KATNA1: variants seen among roughly 807,000 people sequenced by gnomAD.
KATNA1 encodes katanin catalytic subunit A1, also known as katanin p60 ATPase-containing subunit A1.
In KATNA1, 42 loss-of-function variants were observed where a neutral mutation model predicts 62.6. That is an observed-to-expected ratio of 0.67 (90% CI 0.52 to 0.87). KATNA1 has a LOEUF of 0.87. KATNA1 is among the 40% of genes least tolerant of loss of function. The pLI is 0.00. For synonymous variants in KATNA1, 186 were observed against 201.9 expected, an observed-to-expected ratio of 0.92 and a Z score of 0.67; for missense variants, 498 against 612.5, an observed-to-expected ratio of 0.81 and a Z score of 1.97.
At chr6:149,617,967 T>TAAATAAATA (rs1452634435) in intron 4 of KATNA1, among the ~76,000 whole-genome samples, 1 of 110,850 alleles carries the variant, frequency 9.0e-6, no homozygotes, top group Admixed American at 1.0e-4. Context: ...AATAAATAAA[T>TAAATAAATA]AATAAAATAA....
chr6:149,615,243 G>A (rs552508536), intron 4 of KATNA1, among the ~76,000 whole-genome samples: 2 of 144,236 alleles, frequency 1.4e-5, no homozygotes, highest in Non-Finnish European at 3.0e-5. Flanking sequence ...TTGCTCTGTC[G>A]TCCAGGCTGG....
intron 6 of KATNA1, 189 bp from the exon 7 acceptor site, chr6:149,601,941 A>G (rs976549994): frequency 3.8e-5 from 17 of 443,858 alleles, no homozygotes; most frequent in South Asian, 7.6e-5. Flanking sequence ...AGATAACCAC[A>G]TTATGAAAAA....
chr6:149,632,901 T>G lies in KATNA1; in HGVS notation c.178A>C (p.Asn60His). ...QKWQQVWQEINVEAKHVKDIM... is the reference protein window; with the variant it reads ...QKWQQVWQEIHVEAKHVKDIM... ...TCTTTAACATGTTTAGCTTCCACAT[T>G]TATTTCCTGCCAAACCTGATTTCAA... The change falls in exon 3 of 11, where the codon AAT becomes CAT. Residue 60 changes from asparagine (N) to histidine (H), a missense_variant. Physicochemically the swap from Asn to His is moderately conservative, Grantham distance 68. This residue lies in a region of KATNA1 where 203 missense variants were observed against 198.4 expected (regional missense o/e 1.02). Transcript: ENST00000367411. 6.2e-7 allele frequency: 1 copy of G among 1,605,984 alleles called. No individual in the cohort carries two copies. Among genetic ancestry groups the G allele is most frequent in the Non-Finnish European group, 8.5e-7 (1 of 1,178,228 alleles).
At chr6:149,640,549 T>C (rs929644885) in intron 1 of KATNA1, among the ~76,000 whole-genome samples, 1 of 151,094 alleles carries the variant, frequency 6.6e-6, no homozygotes, top group Non-Finnish European at 1.5e-5. Flanking sequence ...TTTTTTTGGG[T>C]TTTGTTTTTG....
intron 1 of KATNA1, among the ~76,000 whole-genome samples, chr6:149,642,651 G>C (rs956715399): frequency 6.6e-6 from 1 of 151,968 alleles, no homozygotes; most frequent in South Asian, 2.1e-4. Flanking sequence ...AAAATACAGG[G>C]TTGGCTAAAA....
At chr6:149,602,228 G>A (rs1190979076) in intron 6 of KATNA1, among the ~76,000 whole-genome samples, 4 of 152,122 alleles carry the variant, frequency 2.6e-5, no homozygotes, top group Admixed American at 2.0e-4. Flanking sequence ...TTAGCTGGGC[G>A]TGGTGGTACA....
rs368136770 is a variant in KATNA1, at chr6:149,601,691, G to A, written c.791C>T (p.Thr264Ile). 3.7e-4 allele frequency: 591 copies of A among 1,612,554 alleles called. 1 individual carries two copies. The highest frequency in any genetic ancestry group is 4.6e-4 in the Non-Finnish European group (541 of 1,179,560). Residue 264 changes from threonine (T) to isoleucine (I), a missense_variant, in exon 7 of 11, where the codon ACA becomes ATA. By Grantham distance (89) the Thr-to-Ile change is moderately conservative. Around this residue, in one of 3 missense-constraint regions of KATNA1, gnomAD observed 267 missense variants for 372.6 expected, o/e 0.72. Coordinates refer to ENST00000367411, the MANE Select transcript of KATNA1 (RefSeq NM_007044.4). ...GKTLLAKAVA[T>I]ECKTTFFNVS... ...ATTGAAGAATGTTGTCTTGCATTCT[G>A]TAGCTACTGCTTTAGCAAGGAGCGT...
intron 4 of KATNA1, among the ~76,000 whole-genome samples, chr6:149,606,503 A>G (rs1778745665): frequency 2.0e-5 from 3 of 152,156 alleles, no homozygotes; most frequent in Admixed American, 1.3e-4. Flanking sequence ...GACTTAACCA[A>G]TATTTATGAT....
At chr6:149,637,306 G>T (rs1780098543) in intron 2 of KATNA1, among the ~76,000 whole-genome samples, 1 of 152,080 alleles carries the variant, frequency 6.6e-6, no homozygotes, top group Admixed American at 6.5e-5. Context: ...CACCCACTCA[G>T]GAGGCTGAGG....
At position 149,629,479 on chromosome 6, in the gene KATNA1, G is replaced by A. The variant is rs1324558726; in HGVS notation, c.320+3280C>T. Among the ~76,000 whole-genome samples, 6 of 152,106 alleles carry A rather than the reference G, an allele frequency of 3.9e-5. No individual in the cohort carries two copies. The South Asian group carries it at 1.2e-3, about 31-fold the overall frequency. ...GAAGTGTGAGAAACAAATGTATGTT[G>A]TTTAAGCCACCCAGTGTATGGTATT... On this transcript the variant is annotated intron_variant, in intron 3 of 10. Transcript: ENST00000367411.
chr6:149,600,038 A>G (rs1778478407), intron 7 of KATNA1, among the ~76,000 whole-genome samples: 1 of 152,006 alleles, frequency 6.6e-6, no homozygotes, highest in African/African-American at 2.4e-5. Flanking sequence ...CATTACCCTA[A>G]GGACAATAAA....
At chr6:149,635,746 G>A (rs1780041375) in intron 2 of KATNA1, among the ~76,000 whole-genome samples, 1 of 150,240 alleles carries the variant, frequency 6.7e-6, no homozygotes, top group African/African-American at 2.5e-5. Flanking sequence ...AAAGTGTTAT[G>A]TATATTTTAC....
In KATNA1 at chr6:149,638,475, CAG is replaced by C; in HGVS notation, c.71_72del (p.Ser24CysfsTer10). The C allele has an allele frequency of 6.2e-7, 1 of 1,613,646 alleles. No individual in the cohort carries two copies. Among genetic ancestry groups the C allele is most frequent in the Non-Finnish European group, 8.5e-7 (1 of 1,179,726 alleles). ...REYALLGNYD[S>X]AMVYYQGVLD... ...AGAACTCCCTGATAATAGACCATCG[CAG>C]AGTCATAGTTTCCCAGCAATGCATA... On this transcript the variant is annotated frameshift_variant, in exon 2 of 11. Transcript: ENST00000367411. LOFTEE classifies it high-confidence loss of function.
At chr6:149,644,623 A>AAAAAT (rs1242495942) in intron 1 of KATNA1, among the ~76,000 whole-genome samples, 8 of 152,228 alleles carry the variant, frequency 5.3e-5, no homozygotes, top group East Asian at 1.9e-4. Flanking sequence ...TCTGTATCAA[A>AAAAAT]AAAATAAAAT....
rs748635170 is a variant in KATNA1, at chr6:149,604,728, C to T, written c.556G>A (p.Gly186Arg). The T allele has an allele frequency of 3.4e-5, 54 of 1,611,804 alleles. 2 individuals carry two copies. The Middle Eastern group carries it at 6.6e-4, about 20-fold the overall frequency. Residue 186 changes from glycine to arginine, a missense_variant, in exon 5 of 11, where the codon GGA (glycine) becomes AGA (arginine). Gly to Arg is a moderately radical substitution (Grantham distance 125). Around this residue, in one of 3 missense-constraint regions of KATNA1, gnomAD observed 203 missense variants for 198.4 expected, o/e 1.02. Transcript: ENST00000367411. The stretch of plus-strand genomic sequence containing the variant: ...GCTTCTACTAAGTCTTTATCATATC[C>T]GGTACTATCAAATTTATTTGTCTCT... ...EPETNKFDST[G>R]YDKDLVEALE...
Position 149,597,687 on chromosome 6 carries a change from T to C in KATNA1, c.1016-46A>G, listed in dbSNP as rs746790428. 5 of 1,565,540 alleles carry C rather than the reference T, an allele frequency of 3.2e-6. No individual in the cohort carries two copies. The African/African-American group carries it at 5.5e-5, about 17-fold the overall frequency. ...GAGTGAAAAAGATATTAAGTTGGAT[T>C]ATACCAAATGAAGCTCAGCTATTTA... On this transcript the variant is annotated intron_variant, in intron 8 of 10. Coordinates refer to ENST00000367411, the MANE Select transcript of KATNA1 (RefSeq NM_007044.4).
At chr6:149,619,230 A>G (rs979914983) in intron 4 of KATNA1, among the ~76,000 whole-genome samples, 1 of 152,196 alleles carries the variant, frequency 6.6e-6, no homozygotes, top group African/African-American at 2.4e-5. Flanking sequence ...TATGAAAAAA[A>G]AATCCTCAAT....
intron 3 of KATNA1, 92 bp from the exon 4 acceptor site, chr6:149,623,375 A>T: frequency 1.2e-6 from 1 of 831,444 alleles, no homozygotes; most frequent in Non-Finnish European, 1.8e-6. Context: ...GAACTAAAGA[A>T]GCCAATGCAA....
chr6:149,621,975 CTTCT>C (rs1180382846), intron 4 of KATNA1, among the ~76,000 whole-genome samples: 7 of 152,032 alleles, frequency 4.6e-5, no homozygotes, highest in African/African-American at 1.7e-4. Flanking sequence ...TCGATGTGTC[CTTCT>C]ACATTGTAAT....
Sources: gnomAD v4.1 joint callset for allele counts (sites outside exome capture counted in the v4.1 genomes callset) on GRCh38, gnomAD v4.1.1 for gene constraint, gnomAD v4.1.1 regional missense constraint, MANE v1.5 for transcripts, NCBI Gene and HGNC (gene_info 2026-07-23, HGNC 2026-07-21) for gene names.